Variants in CACNG2 observed in about 807,000 individuals in gnomAD.
CACNG2 encodes voltage-dependent calcium channel gamma-2 subunit.
Under a neutral mutation model 25.9 loss-of-function variants are expected in CACNG2, and 3 were observed. The observed-to-expected ratio is 0.12, with a 90% CI of 0.05 to 0.30. The LOEUF is 0.30. Among genes scored for constraint, CACNG2 ranks in the 10% least tolerant of loss-of-function variants. The pLI is 1.00. For missense variants in CACNG2, 341 were observed against 432.5 expected (o/e 0.79, Z 1.88); for synonymous variants, 167 against 173.3 (o/e 0.96, Z 0.29).
intron 1 of CACNG2, among the ~76,000 whole-genome samples, chr22:36,685,299 G>A (rs1485400859): frequency 1.3e-5 from 2 of 152,096 alleles, no homozygotes; most frequent in African/African-American, 2.4e-5. Context: ...AGAGGGGCCC[G>A]CCCGCGCCCA....
chr22:36,660,551 C>CGG (rs1165742930), intron 1 of CACNG2, among the ~76,000 whole-genome samples: 1 of 152,258 alleles, frequency 6.6e-6, no homozygotes, highest in African/African-American at 2.4e-5. Context: ...ATTGAGCACA[C>CGG]TGCGCTGAGC....
chr22:36,701,357 T>TCA (rs1937409393), intron 1 of CACNG2, among the ~76,000 whole-genome samples: 1 of 151,960 alleles, frequency 6.6e-6, no homozygotes, highest in South Asian at 2.1e-4. Context: ...CCACAGGAGT[T>TCA]TTTTTTTCTG....
chr22:36,598,486 C>T (rs1029566841), intron 1 of CACNG2, among the ~76,000 whole-genome samples: 3 of 151,208 alleles, frequency 2.0e-5, no homozygotes, highest in South Asian at 2.1e-4. Flanking sequence ...GGCTTGGTGG[C>T]GGGGGCCTGT....
At chr22:36,655,015 GT>G (rs1936682729) in intron 1 of CACNG2, among the ~76,000 whole-genome samples, 1 of 152,090 alleles carries the variant, frequency 6.6e-6, no homozygotes, top group African/African-American at 2.4e-5. Flanking sequence ...AAGCGGAGCT[GT>G]GATTTGGGAG....
At chr22:36,646,601 C>T (rs1281140096) in intron 1 of CACNG2, among the ~76,000 whole-genome samples, 4 of 152,126 alleles carry the variant, frequency 2.6e-5, no homozygotes, top group Middle Eastern at 3.4e-3. Context: ...ATGTAAAACC[C>T]GTATCTGGAA....
intron 1 of CACNG2, among the ~76,000 whole-genome samples, chr22:36,675,637 G>A (rs1356497905): frequency 6.6e-6 from 1 of 152,228 alleles, no homozygotes; most frequent in East Asian, 1.9e-4. Flanking sequence ...CCCACCAGGG[G>A]ACGGCATGGT....
At chr22:36,592,868 G>C (rs1935617816) in intron 1 of CACNG2, among the ~76,000 whole-genome samples, 1 of 152,236 alleles carries the variant, frequency 6.6e-6, no homozygotes, top group South Asian at 2.1e-4. Flanking sequence ...CAGGAGGTCA[G>C]GGCCGGGAAT....
rs547069587 is a variant in CACNG2, at chr22:36,688,973, G to T, written c.211+13393C>A. Among the ~76,000 whole-genome samples, 7 of 152,276 alleles carry T rather than the reference G, an allele frequency of 4.6e-5. No individual in the cohort carries two copies. The South Asian group carries it at 6.2e-4, about 14-fold the overall frequency. On this transcript the variant is annotated intron_variant, in intron 1 of 3. Transcript: ENST00000300105. ...ACCTCATCCTTTTGGGGACAGTCTTGGGTGATTTCATTTTCTTCATCTGTT... is the reference window on the plus strand; with the variant it reads ...ACCTCATCCTTTTGGGGACAGTCTTTGGTGATTTCATTTTCTTCATCTGTT...
rs763253659 is a variant in CACNG2, at chr22:36,564,890, C to G, written c.437-4G>C. The G allele has an allele frequency of 2.3e-5, 37 of 1,610,960 alleles. No individual in the cohort carries two copies. The highest frequency in any genetic ancestry group is 2.1e-4 in the South Asian group (19 of 91,058). ...ATGCCAATGATGTTACTCAGACCTGCGGGGCGCAGGGTGGCGGGGTGGGGG... is the reference window on the plus strand; with the variant it reads ...ATGCCAATGATGTTACTCAGACCTGGGGGGCGCAGGGTGGCGGGGTGGGGG... On this transcript the variant is annotated splice_polypyrimidine_tract_variant and splice_region_variant and intron_variant, in intron 3 of 3. Transcript: ENST00000300105. The surrounding 1 kb of genome is among the most constrained non-coding windows in gnomAD (Gnocchi z 6.7).
At chr22:36,665,276 G>T (rs1936860375) in intron 1 of CACNG2, among the ~76,000 whole-genome samples, 1 of 152,192 alleles carries the variant, frequency 6.6e-6, no homozygotes, top group Non-Finnish European at 1.5e-5. Flanking sequence ...AGCCTGCTCT[G>T]TTCCTTCCTA....
At chr22:36,570,271 C>G (rs550410006) in intron 2 of CACNG2, among the ~76,000 whole-genome samples, 50 of 152,302 alleles carry the variant, frequency 3.3e-4, no homozygotes, top group African/African-American at 1.1e-3. Context: ...GGCGGGAGAG[C>G]AGGGAGGGGT....
intron 1 of CACNG2, among the ~76,000 whole-genome samples, chr22:36,633,439 T>C (rs1363110465): frequency 6.6e-6 from 1 of 152,236 alleles, no homozygotes; most frequent in Non-Finnish European, 1.5e-5. Context: ...AGATCCCTTT[T>C]GGTTTTCCAA....
intron 1 of CACNG2, among the ~76,000 whole-genome samples, chr22:36,672,601 G>A (rs879928174): frequency 1.3e-5 from 2 of 152,066 alleles, no homozygotes; most frequent in East Asian, 1.9e-4. Flanking sequence ...CCAGCTTCTC[G>A]GAGTGACCTT....
At position 36,606,998 on chromosome 22, in the gene CACNG2, GGTGT is replaced by G. The variant is rs1311327889; in HGVS notation, c.212-19454_212-19451del. Among the ~76,000 whole-genome samples, 2 of 150,534 alleles carry G rather than the reference GGTGT, an allele frequency of 1.3e-5. No individual in the cohort carries two copies. Among genetic ancestry groups the G allele is most frequent in the African/African-American group, 4.9e-5 (2 of 40,622 alleles). On this transcript the variant is annotated intron_variant, in intron 1 of 3. Coordinates refer to ENST00000300105, the MANE Select transcript of CACNG2 (RefSeq NM_006078.5). The surrounding 1 kb of genome is among the most constrained non-coding windows in gnomAD (Gnocchi z 5.7). ...GTGTGTGGTGTGTTTGTATGTGTGT[GGTGT>G]GTGTGTATGTCTGTGAGTGTATATG...
chr22:36,646,730 A>C (rs2145971720), intron 1 of CACNG2, among the ~76,000 whole-genome samples: 1 of 150,980 alleles, frequency 6.6e-6, no homozygotes, highest in South Asian at 2.1e-4. Flanking sequence ...CTTTCCCCCA[A>C]CCCTTTTCTT....
chr22:36,597,493 C>T (rs1474722040), intron 1 of CACNG2, among the ~76,000 whole-genome samples: 3 of 152,178 alleles, frequency 2.0e-5, no homozygotes, highest in African/African-American at 7.2e-5. Flanking sequence ...TCAGTCCTCA[C>T]CGAGGGGGTA....
chr22:36,685,906 T>A (rs765121965), intron 1 of CACNG2, among the ~76,000 whole-genome samples: 8 of 152,232 alleles, frequency 5.3e-5, no homozygotes, highest in Non-Finnish European at 7.3e-5. Flanking sequence ...GCTATTTAAT[T>A]CTGACTGATT....
At chr22:36,699,036 G>A (rs1053506871) in intron 1 of CACNG2, among the ~76,000 whole-genome samples, 4 of 152,232 alleles carry the variant, frequency 2.6e-5, no homozygotes, top group South Asian at 2.1e-4. Flanking sequence ...AGCTGTTTTC[G>A]CATCTTGTTG....
intron 1 of CACNG2, among the ~76,000 whole-genome samples, chr22:36,693,250 A>G (rs1325976493): frequency 1.3e-5 from 2 of 152,222 alleles, no homozygotes; most frequent in Non-Finnish European, 2.9e-5. Flanking sequence ...CTGTAGCCAC[A>G]TATTTGTAAT....
Sources: gnomAD v4.1 joint callset for allele counts (sites outside exome capture counted in the v4.1 genomes callset) on GRCh38, gnomAD v4.1.1 for gene constraint, Gnocchi (gnomAD v3.1) non-coding constraint, MANE v1.5 for transcripts, NCBI Gene and HGNC (gene_info 2026-07-23, HGNC 2026-07-21) for gene names.